TTLL11: variants seen among roughly 807,000 people sequenced by gnomAD.
The protein encoded by TTLL11 is tubulin polyglutamylase TTLL11.
Under a neutral mutation model 51.7 loss-of-function variants are expected in TTLL11, and 42 were observed. The ratio of observed to expected loss-of-function variants is 0.81; its 90% CI spans 0.64 to 1.05. TTLL11 has a LOEUF of 1.05. Among genes scored for constraint, TTLL11 ranks in the 50% least tolerant of loss-of-function variants. TTLL11 has a pLI of 0.00. For missense variants in TTLL11, 799 were observed against 940.4 expected (o/e 0.85, Z 1.97); for synonymous variants, 381 against 383.5 (o/e 0.99, Z 0.08).
At chr9:122,092,307 A>G (rs1846280364) in intron 1 of TTLL11, among the ~76,000 whole-genome samples, 1 of 152,176 alleles carries the variant, frequency 6.6e-6, no homozygotes, top group South Asian at 2.1e-4. Flanking sequence ...GCAAGTGCTA[A>G]ACAAATATAA....
At chr9:121,947,488 C>T (rs555872362) in intron 6 of TTLL11, among the ~76,000 whole-genome samples, 4 of 152,244 alleles carry the variant, frequency 2.6e-5, no homozygotes, top group Admixed American at 6.5e-5. Flanking sequence ...AAATATACAC[C>T]TGTAATTTTT....
At chr9:121,827,220 C>T (rs974218375) in intron 8 of TTLL11, among the ~76,000 whole-genome samples, 1 of 152,064 alleles carries the variant, frequency 6.6e-6, no homozygotes, top group Non-Finnish European at 1.5e-5. Context: ...GTATGCCAGA[C>T]AGGTAAAGGG....
At chr9:122,010,769 A>C (rs1194850854) in intron 3 of TTLL11, among the ~76,000 whole-genome samples, 1 of 152,232 alleles carries the variant, frequency 6.6e-6, no homozygotes, top group Non-Finnish European at 1.5e-5. Context: ...AATTCTCTCT[A>C]GAACTGAAAT....
chr9:121,954,117 C>T (rs1588151156), intron 6 of TTLL11, among the ~76,000 whole-genome samples: 1 of 152,300 alleles, frequency 6.6e-6, no homozygotes, highest in East Asian at 1.9e-4. Context: ...AGTGGCAGGG[C>T]CGGGGCTAGA....
chr9:121,830,478 G>A (rs1011360869), intron 8 of TTLL11, among the ~76,000 whole-genome samples: 2 of 152,188 alleles, frequency 1.3e-5, no homozygotes, highest in African/African-American at 4.8e-5. Flanking sequence ...GCAAAGCGGG[G>A]CTTATTTGCA....
At chr9:121,964,276 T>C (rs989013237) in intron 6 of TTLL11, among the ~76,000 whole-genome samples, 4 of 150,810 alleles carry the variant, frequency 2.7e-5, no homozygotes, top group African/African-American at 9.9e-5. Flanking sequence ...CAAGCTCAAA[T>C]TTCTTTTCCT....
chr9:122,048,415 T>C (rs1845074821), intron 1 of TTLL11, among the ~76,000 whole-genome samples: 2 of 152,156 alleles, frequency 1.3e-5, no homozygotes, highest in African/African-American at 4.8e-5. Context: ...GGTTTTACCA[T>C]CTTGGCTTTC....
intron 6 of TTLL11, among the ~76,000 whole-genome samples, chr9:121,884,322 A>G (rs1838917701): frequency 6.6e-6 from 1 of 151,802 alleles, no homozygotes; most frequent in Non-Finnish European, 1.5e-5. Flanking sequence ...TTCCATGCCA[A>G]CAGGAATGTG....
At chr9:122,017,165 A>T (rs1844012554) in intron 3 of TTLL11, among the ~76,000 whole-genome samples, 2 of 152,174 alleles carry the variant, frequency 1.3e-5, no homozygotes, top group Admixed American at 1.3e-4. Context: ...TGTTGCCAGG[A>T]ACCACAAAGC....
At chr9:121,966,317 A>G (rs2416844) in intron 6 of TTLL11, among the ~76,000 whole-genome samples, 139,194 of 152,186 alleles carry the variant, frequency 0.91, 64,051 homozygotes, top group Non-Finnish European at 0.97. Flanking sequence ...GCGTGGCATC[A>G]TGATATCAAT....
At chr9:121,863,063 G>A (rs1021210578) in intron 7 of TTLL11, among the ~76,000 whole-genome samples, 3 of 151,794 alleles carry the variant, frequency 2.0e-5, no homozygotes, top group Non-Finnish European at 2.9e-5. Flanking sequence ...CTTTCTTCCC[G>A]CCTGTATTTC....
intron 3 of TTLL11, among the ~76,000 whole-genome samples, chr9:122,007,009 A>C (rs1000350348): frequency 2.1e-5 from 3 of 144,406 alleles, no homozygotes; most frequent in African/African-American, 5.1e-5. Flanking sequence ...AAAAAAAAAA[A>C]CTTTTCCTTA....
chr9:121,972,484 C>A (rs926420892), intron 6 of TTLL11, among the ~76,000 whole-genome samples: 1 of 152,234 alleles, frequency 6.6e-6, no homozygotes, highest in East Asian at 1.9e-4. Context: ...AGAAGCCACA[C>A]CTGGTGGGAT....
chr9:121,875,677 A>G (rs1447465378), intron 6 of TTLL11, among the ~76,000 whole-genome samples: 1 of 152,240 alleles, frequency 6.6e-6, no homozygotes, highest in Non-Finnish European at 1.5e-5. Flanking sequence ...TTGAGATCCA[A>G]GCCATCACAA....
chr9:121,885,720 C>T (rs1446049946), intron 6 of TTLL11: 2 of 153,020 alleles, frequency 1.3e-5, no homozygotes, highest in African/African-American at 4.8e-5. Context: ...AACCACAACT[C>T]TTTTTCTTTC....
intron 6 of TTLL11, among the ~76,000 whole-genome samples, chr9:121,883,617 G>A (rs1838883147): frequency 6.6e-6 from 1 of 152,116 alleles, no homozygotes; most frequent in South Asian, 2.1e-4. Context: ...TTTACTTTAT[G>A]CAATTTGAAT....
chr9:121,891,091 A>G (rs943146079), intron 6 of TTLL11, among the ~76,000 whole-genome samples: 1 of 151,754 alleles, frequency 6.6e-6, no homozygotes, highest in Non-Finnish European at 1.5e-5. Context: ...CCTGTTTTTA[A>G]CCCCTTTTGA....
intron 6 of TTLL11, among the ~76,000 whole-genome samples, chr9:121,932,066 G>T (rs973904982): frequency 6.6e-5 from 10 of 152,120 alleles, no homozygotes; most frequent in East Asian, 3.8e-4. Flanking sequence ...AGCGCACCTT[G>T]TTCTATCCTT....
chr9:121,831,693 C>T (rs749988683), intron 8 of TTLL11, among the ~76,000 whole-genome samples: 3 of 115,688 alleles, frequency 2.6e-5, no homozygotes, highest in Non-Finnish European at 5.2e-5. Context: ...GAGAGAGACT[C>T]TGTCTCAAAA....
Sources: gnomAD v4.1 joint callset for allele counts (sites outside exome capture counted in the v4.1 genomes callset) on GRCh38, gnomAD v4.1.1 for gene constraint, MANE v1.5 for transcripts, NCBI Gene and HGNC (gene_info 2026-07-23, HGNC 2026-07-21) for gene names.